FAM110B: variants seen among roughly 807,000 people sequenced by gnomAD.
The protein encoded by FAM110B is protein FAM110B.
FAM110B carries 6 observed loss-of-function variants against 20.4 expected under a neutral mutation model. The ratio of observed to expected loss-of-function variants is 0.29; its 90% CI spans 0.16 to 0.58. The LOEUF is 0.58. Ranked by LOEUF, FAM110B falls within the 20% of genes least tolerant of loss-of-function variation. The pLI, the probability that FAM110B is intolerant of heterozygous loss-of-function variation, is 0.90. For synonymous variants in FAM110B, 226 were observed against 214.1 expected (o/e 1.06, Z -0.49); for missense variants, 434 against 498.2 (o/e 0.87, Z 1.23).
chr8:58,064,673 A>T (rs543259645), intron 2 of FAM110B, among the ~76,000 whole-genome samples: 2 of 152,210 alleles, frequency 1.3e-5, no homozygotes, highest in African/African-American at 4.8e-5. Flanking sequence ...GATGATGTTT[A>T]CTAAGTGCTA....
intron 1 of FAM110B, among the ~76,000 whole-genome samples, chr8:58,009,267 G>C (rs1804478194): frequency 6.6e-6 from 1 of 152,176 alleles, no homozygotes; most frequent in African/African-American, 2.4e-5. Flanking sequence ...TTGCAGATGG[G>C]AGCGAAGTAC....
intron 3 of FAM110B, among the ~76,000 whole-genome samples, chr8:58,123,298 C>A (rs1807409728): frequency 6.6e-6 from 1 of 152,182 alleles, no homozygotes; most frequent in African/African-American, 2.4e-5. Context: ...CACACTCTCT[C>A]AGTTCCTGCT....
chr8:58,007,438 C>T (rs1279379222), intron 1 of FAM110B, among the ~76,000 whole-genome samples: 1 of 152,206 alleles, frequency 6.6e-6, no homozygotes, highest in African/African-American at 2.4e-5. Flanking sequence ...AATGAGGTTT[C>T]ATCCCATTTT....
rs184452042 is a variant in FAM110B at position 58,080,518 on chromosome 8, T to C, written c.-325+4895T>C. Among the ~76,000 whole-genome samples the C allele has an allele frequency of 1.3e-3, 199 of 152,264 alleles. 2 individuals are homozygous for C. The highest frequency in any genetic ancestry group is 4.6e-3 in the African/African-American group (193 of 41,552). On this transcript the variant is annotated intron_variant, in intron 3 of 3. Coordinates refer to ENST00000519262, the MANE Select transcript of FAM110B (RefSeq NM_001377989.1). ...CACTTTCTTTTCAACCTGTAAATCA[T>C]GTGCTACCATCTCTAGGTGTGGACG...
intron 2 of FAM110B, among the ~76,000 whole-genome samples, chr8:58,040,378 A>G (rs1023909944): frequency 2.6e-5 from 4 of 152,238 alleles, no homozygotes; most frequent in African/African-American, 9.7e-5. Context: ...TCTGTATCCC[A>G]GTGAGCATGT....
At chr8:58,015,046 G>A (rs1804609841) in intron 1 of FAM110B, among the ~76,000 whole-genome samples, 1 of 152,140 alleles carries the variant, frequency 6.6e-6, no homozygotes, top group African/African-American at 2.4e-5. Context: ...CAGACAGCTT[G>A]GGCAGTTTTT....
At chr8:58,137,842 C>G (rs764265647) in intron 3 of FAM110B, among the ~76,000 whole-genome samples, 1 of 152,180 alleles carries the variant, frequency 6.6e-6, no homozygotes, top group Non-Finnish European at 1.5e-5. Flanking sequence ...CTTTTCAGTT[C>G]GTCTTCAATA....
chr8:58,090,342 G>C (rs955224633), intron 3 of FAM110B, among the ~76,000 whole-genome samples: 2 of 152,142 alleles, frequency 1.3e-5, no homozygotes, highest in African/African-American at 4.8e-5. Context: ...TGTGTTTCTA[G>C]TAGTGACAGA....
At chr8:58,040,266 A>C (rs966265244) in intron 2 of FAM110B, among the ~76,000 whole-genome samples, 6 of 152,234 alleles carry the variant, frequency 3.9e-5, no homozygotes, top group Non-Finnish European at 7.4e-5. Flanking sequence ...ATTCATCTGC[A>C]TTCTGTGATA....
intron 3 of FAM110B, among the ~76,000 whole-genome samples, chr8:58,136,664 G>A (rs971663672): frequency 4.6e-5 from 7 of 152,062 alleles, no homozygotes; most frequent in Non-Finnish European, 1.0e-4. Flanking sequence ...AAAAGGCAAG[G>A]CTCCCCCTCA....
At chr8:58,113,699 G>A (rs1807122184) in intron 3 of FAM110B, 1 of 152,246 alleles carries the variant, frequency 6.6e-6, no homozygotes, top group African/African-American at 2.4e-5. Context: ...TTGAGGATTA[G>A]GTTTCAACAT....
chr8:58,108,566 G>T (rs879658158), intron 3 of FAM110B, among the ~76,000 whole-genome samples: 6 of 152,214 alleles, frequency 3.9e-5, no homozygotes, highest in Non-Finnish European at 7.3e-5. Flanking sequence ...ACTTCAAGTT[G>T]TAGACCAGCC....
At position 58,134,013 on chromosome 8, in the gene FAM110B, G is replaced by A. The variant is rs142159627; in HGVS notation, c.-324-11894G>A. ...AATGATTTTATGTAAGACACGTTAA[G>A]TGCTGGAAAGATGAAAATATGTGCT... is the stretch of plus-strand genomic sequence containing the variant. On this transcript the variant is annotated intron_variant, in intron 3 of 3. Transcript: ENST00000519262. Among the ~76,000 whole-genome samples the A allele has an allele frequency of 2.0e-5, 3 of 152,344 alleles. No individual in the cohort carries two copies. In the East Asian group the frequency reaches 5.8e-4, roughly 29 times the overall value.
chr8:58,089,151 T>C (rs1806411007), intron 3 of FAM110B, among the ~76,000 whole-genome samples: 1 of 152,196 alleles, frequency 6.6e-6, no homozygotes, highest in Admixed American at 6.5e-5. Flanking sequence ...ATCAGCCACA[T>C]GAATTGGTGA....
chr8:58,032,794 G>A (rs1804993236), intron 2 of FAM110B: 1 of 152,146 alleles, frequency 6.6e-6, no homozygotes, highest in African/African-American at 2.4e-5. Context: ...GTGGCAAGGT[G>A]AACACCCTTA....
chr8:58,056,604 A>G (rs1425553075), intron 2 of FAM110B, among the ~76,000 whole-genome samples: 1 of 152,228 alleles, frequency 6.6e-6, no homozygotes, highest in Non-Finnish European at 1.5e-5. Context: ...TTTATGGCCA[A>G]ACATGAAGGT....
chr8:58,136,288 G>A (rs1247835458), intron 3 of FAM110B, among the ~76,000 whole-genome samples: 1 of 152,206 alleles, frequency 6.6e-6, no homozygotes, highest in Admixed American at 6.5e-5. Context: ...GGGATTATAG[G>A]CGTGAGCCAC....
intron 3 of FAM110B, among the ~76,000 whole-genome samples, chr8:58,123,017 C>G (rs1170420291): frequency 6.6e-6 from 1 of 152,166 alleles, no homozygotes; most frequent in Non-Finnish European, 1.5e-5. Flanking sequence ...AAAATAATTC[C>G]TTTCTGGAAA....
At chr8:58,085,176 G>C (rs1806302082) in intron 3 of FAM110B, among the ~76,000 whole-genome samples, 1 of 152,206 alleles carries the variant, frequency 6.6e-6, no homozygotes, top group African/African-American at 2.4e-5. Flanking sequence ...TTTTGTGGGG[G>C]TCATGCCCCC....
Sources: allele counts gnomAD v4.1 joint callset (sites outside exome capture counted in the v4.1 genomes callset), GRCh38; gene constraint gnomAD v4.1.1; transcripts MANE v1.5; gene names NCBI Gene and HGNC (gene_info 2026-07-23, HGNC 2026-07-21).